SLC9B1: variants seen among roughly 807,000 people sequenced by gnomAD.
The protein encoded by SLC9B1 is solute carrier family 9 member B1, also known as sodium/hydrogen exchanger 9B1.
Under a neutral mutation model 51.7 loss-of-function variants are expected in SLC9B1, and 32 were observed. The observed-to-expected ratio is 0.62, with a 90% CI of 0.47 to 0.83. SLC9B1 has a LOEUF of 0.83. Among genes scored for constraint, SLC9B1 ranks in the 40% least tolerant of loss-of-function variants. The pLI, the probability that SLC9B1 is intolerant of heterozygous loss-of-function variation, is 0.00. For missense variants in SLC9B1, 406 were observed against 613.2 expected, an observed-to-expected ratio of 0.66 and a Z score of 3.57; for synonymous variants, 145 against 212.7, an observed-to-expected ratio of 0.68 and a Z score of 2.77.
intron 6 of SLC9B1, among the ~76,000 whole-genome samples, chr4:102,937,412 TAAAAAAAAA>T (rs754801733): frequency 3.8e-4 from 17 of 45,216 alleles, no homozygotes; most frequent in African/African-American, 1.9e-3. Flanking sequence ...TCAGCATTCT[TAAAAAAAAA>T]AAAAAAAAAA....
chr4:102,888,671 G>A (rs898465423), intron 11 of SLC9B1: 2 of 152,218 alleles, frequency 1.3e-5, no homozygotes, highest in Admixed American at 6.5e-5. Context: ...CATGGCACAG[G>A]CCTGTAGTCC....
At chr4:102,961,700 G>C (rs1738137200) in intron 3 of SLC9B1, among the ~76,000 whole-genome samples, 1 of 152,026 alleles carries the variant, frequency 6.6e-6, no homozygotes. Context: ...TCAAATAGTA[G>C]GTTGATCCTT....
intron 3 of SLC9B1, among the ~76,000 whole-genome samples, chr4:102,952,832 G>A (rs1737618782): frequency 1.7e-5 from 1 of 58,676 alleles, no homozygotes; most frequent in Admixed American, 2.1e-4. Flanking sequence ...TTTTTTTCTT[G>A]TAAATTTGTT....
rs367891588 is a variant in SLC9B1 at position 102,933,804 on chromosome 4, G to T, written c.654-1505C>A. Among the ~76,000 whole-genome samples, 34 of 152,268 alleles carry T rather than the reference G, an allele frequency of 2.2e-4. No homozygotes were observed. In the East Asian group the frequency reaches 6.4e-3, roughly 28 times the overall value. ...ATCTAAGAAAAAAACTGTGAAGATA[G>T]TCTATACTTTTATAAAAATTGTGAA... On this transcript the variant is annotated intron_variant, in intron 6 of 11. Transcript: ENST00000296422.
chr4:102,890,601 G>A (rs1311189684), intron 11 of SLC9B1: 1 of 152,078 alleles, frequency 6.6e-6, no homozygotes, highest in African/African-American at 2.4e-5. Flanking sequence ...AGCACTTTGG[G>A]AGGCTGAGGT....
At chr4:102,889,718 G>A (rs551207619) in intron 11 of SLC9B1, 2 of 152,128 alleles carry the variant, frequency 1.3e-5, no homozygotes, top group Non-Finnish European at 1.5e-5. Context: ...TTTCAGAAGC[G>A]TAGGGTTGGT....
At chr4:103,000,013 G>GA (rs1740436489) in intron 1 of SLC9B1, among the ~76,000 whole-genome samples, 1 of 152,150 alleles carries the variant, frequency 6.6e-6, no homozygotes, top group African/African-American at 2.4e-5. Flanking sequence ...GCAAGCAGGG[G>GA]AAAATGCCAG....
chr4:102,959,754 A>C (rs1737999392), intron 3 of SLC9B1, among the ~76,000 whole-genome samples: 1 of 152,216 alleles, frequency 6.6e-6, no homozygotes, highest in Admixed American at 6.5e-5. Context: ...ATTTGTTCTC[A>C]GTGACAAGAC....
chr4:102,949,071 A>C (rs1300483069), intron 4 of SLC9B1, among the ~76,000 whole-genome samples, 186 bp downstream of exon 4: 1 of 152,184 alleles, frequency 6.6e-6, no homozygotes, highest in Non-Finnish European at 1.5e-5. Context: ...ATATGTAGAC[A>C]GAGAAATAAA....
intron 1 of SLC9B1, among the ~76,000 whole-genome samples, chr4:102,998,555 A>G (rs1219977986): frequency 6.6e-6 from 1 of 151,650 alleles, no homozygotes; most frequent in African/African-American, 2.4e-5. Context: ...GAATTGATGG[A>G]TCATATGGTA....
chr4:102,997,717 T>C (rs1254081253), intron 1 of SLC9B1, among the ~76,000 whole-genome samples: 2 of 152,206 alleles, frequency 1.3e-5, no homozygotes, highest in Admixed American at 6.5e-5. Flanking sequence ...AACCTTGGTA[T>C]TGTCTGTCTT....
chr4:102,931,164 T>C (rs967682813), intron 7 of SLC9B1, among the ~76,000 whole-genome samples: 5 of 149,808 alleles, frequency 3.3e-5, no homozygotes, highest in Admixed American at 2.7e-4. Flanking sequence ...AGGCAGAGCA[T>C]GCAGTGAGCC....
chr4:102,918,909 G>T (rs1735721005), intron 7 of SLC9B1, among the ~76,000 whole-genome samples: 1 of 152,154 alleles, frequency 6.6e-6, no homozygotes, highest in East Asian at 1.9e-4. Context: ...AATACAAATG[G>T]CCAACTAGCA....
chr4:102,960,959 C>T (rs1444150066), intron 3 of SLC9B1, among the ~76,000 whole-genome samples: 2 of 151,774 alleles, frequency 1.3e-5, no homozygotes, highest in Non-Finnish European at 2.9e-5. Context: ...CTTGAACTCC[C>T]GACCTCAGGT....
intron 3 of SLC9B1, among the ~76,000 whole-genome samples, chr4:102,967,908 A>T (rs1738516809): frequency 6.6e-6 from 1 of 152,242 alleles, no homozygotes; most frequent in Non-Finnish European, 1.5e-5. Context: ...AATGGATTAG[A>T]TGACTCAATA....
downstream of SLC9B1, chr4:102,897,799 A>T: frequency 2.2e-6 from 1 of 462,046 alleles, no homozygotes; most frequent in Non-Finnish European, 4.2e-6. Context: ...CAACACAGAC[A>T]ATAGGAGCAC....
At chr4:102,980,184 T>C (rs1739282331) in intron 3 of SLC9B1, among the ~76,000 whole-genome samples, 1 of 152,228 alleles carries the variant, frequency 6.6e-6, no homozygotes, top group African/African-American at 2.4e-5. Context: ...GAAGACAGTG[T>C]GGCAATTCCT....
chr4:102,930,483 C>T (rs1016721631), intron 7 of SLC9B1, among the ~76,000 whole-genome samples: 7 of 152,144 alleles, frequency 4.6e-5, no homozygotes, highest in African/African-American at 1.4e-4. Flanking sequence ...TAGCTCACTA[C>T]GGCCTCCGCC....
At chr4:103,003,031 CAAT>C (rs1178453685) in intron 1 of SLC9B1, among the ~76,000 whole-genome samples, 1 of 152,154 alleles carries the variant, frequency 6.6e-6, no homozygotes, top group Non-Finnish European at 1.5e-5. Flanking sequence ...TATAATTTGA[CAAT>C]ATCACCTTCC....
Sources: gnomAD v4.1 joint callset for allele counts (sites outside exome capture counted in the v4.1 genomes callset) on GRCh38, gnomAD v4.1.1 for gene constraint, MANE v1.5 for transcripts, NCBI Gene and HGNC (gene_info 2026-07-23, HGNC 2026-07-21) for gene names.